DPYD: variants seen among roughly 807,000 people sequenced by gnomAD.
The protein encoded by DPYD is dihydropyrimidine dehydrogenase [NADP(+)].
DPYD carries 109 observed loss-of-function variants against 116.2 expected under a neutral mutation model. The observed-to-expected ratio is 0.94, with a 90% CI of 0.80 to 1.10. The LOEUF is 1.10. Ranked by LOEUF, DPYD falls within the 50% of genes least tolerant of loss-of-function variation. DPYD has a pLI of 0.00. For synonymous variants in DPYD, 440 were observed against 432.0 expected (o/e 1.02, Z -0.23); for missense variants, 1,302 against 1,254.5 (o/e 1.04, Z -0.57).
chr1:97,894,094 G>A (rs1672924542), intron 1 of DPYD, among the ~76,000 whole-genome samples: 1 of 151,744 alleles, frequency 6.6e-6, no homozygotes, highest in Non-Finnish European at 1.5e-5. Context: ...AGTTAGAGAG[G>A]CTGGAAAGTC....
At chr1:97,623,708 C>A (rs193207414) in intron 8 of DPYD, among the ~76,000 whole-genome samples, 103 of 151,962 alleles carry the variant, frequency 6.8e-4, no homozygotes, top group African/African-American at 2.4e-3. Context: ...CTGGAGGTAT[C>A]ACATTACCTG....
intron 8 of DPYD, among the ~76,000 whole-genome samples, chr1:97,654,026 T>C (rs1029237555): frequency 6.6e-6 from 1 of 152,172 alleles, no homozygotes; most frequent in African/African-American, 2.4e-5. Flanking sequence ...ATGTGCACAA[T>C]AACTTATCAA....
chr1:97,404,576 A>C (rs960153759), intron 14 of DPYD, among the ~76,000 whole-genome samples: 4 of 152,004 alleles, frequency 2.6e-5, no homozygotes, highest in African/African-American at 9.7e-5. Flanking sequence ...CTTGCTTTGA[A>C]GTCTGCTTTG....
intron 20 of DPYD, among the ~76,000 whole-genome samples, chr1:97,115,007 C>G (rs543698307): frequency 4.7e-4 from 71 of 152,260 alleles, no homozygotes; most frequent in Non-Finnish European, 1.0e-3. Flanking sequence ...ACTTGGTAAT[C>G]CTTTTACCTC....
intron 8 of DPYD, among the ~76,000 whole-genome samples, chr1:97,668,653 G>A (rs552973549): frequency 6.6e-6 from 1 of 152,140 alleles, no homozygotes; most frequent in Non-Finnish European, 1.5e-5. Flanking sequence ...AAGAGTAAGA[G>A]AAGTGGAAAA....
At chr1:97,355,845 G>A (rs1358098217) in intron 16 of DPYD, among the ~76,000 whole-genome samples, 1 of 152,124 alleles carries the variant, frequency 6.6e-6, no homozygotes, top group Non-Finnish European at 1.5e-5. Context: ...CACTTAGGTT[G>A]ATTCCATAAG....
intron 20 of DPYD, among the ~76,000 whole-genome samples, chr1:97,148,148 A>G (rs2101711300): frequency 6.6e-6 from 1 of 152,050 alleles, no homozygotes; most frequent in Non-Finnish European, 1.5e-5. Flanking sequence ...CATGACAAGA[A>G]CAGCTCTTTA....
chr1:97,702,405 A>C (rs1406599464), intron 5 of DPYD, among the ~76,000 whole-genome samples: 1 of 151,830 alleles, frequency 6.6e-6, no homozygotes, highest in African/African-American at 2.4e-5. Context: ...AATAAATGCT[A>C]ATTTCTTTCA....
chr1:97,531,712 T>C (rs1473820624), intron 12 of DPYD, among the ~76,000 whole-genome samples: 2 of 152,172 alleles, frequency 1.3e-5, no homozygotes, highest in Non-Finnish European at 2.9e-5. Context: ...TACATTGCTT[T>C]AGGTGAAATG....
intron 1 of DPYD, among the ~76,000 whole-genome samples, chr1:97,908,822 C>T (rs553069178): frequency 6.6e-6 from 1 of 152,040 alleles, no homozygotes; most frequent in African/African-American, 2.4e-5. Flanking sequence ...CCTATGCTGA[C>T]GTCCCTCAGA....
At chr1:97,719,527 T>A (rs2101021666) in intron 5 of DPYD, among the ~76,000 whole-genome samples, 1 of 152,110 alleles carries the variant, frequency 6.6e-6, no homozygotes, top group East Asian at 1.9e-4. Context: ...ACACTTCAAC[T>A]TAAATACTCA....
rs201316076 is a variant in DPYD at position 97,192,113 on chromosome 1, G to GT, written c.2622+955dup. ...CCATACACATTACTCTTGAAGAAGG[G>GT]TTTTTTTTGGCTATCTATTAGGAGA... On this transcript the variant is annotated intron_variant, in intron 20 of 22. Coordinates refer to ENST00000370192, the MANE Select transcript of DPYD (RefSeq NM_000110.4). Among the ~76,000 whole-genome samples the GT allele has an allele frequency of 7.7e-3, 1,169 of 151,578 alleles. 19 individuals are homozygous for GT. Among genetic ancestry groups the GT allele is most frequent in the African/African-American group, 0.026 (1,083 of 41,338 alleles).
intron 4 of DPYD, 87 bp downstream of exon 4, chr1:97,740,304 TA>T: frequency 8.8e-7 from 1 of 1,134,000 alleles, no homozygotes; most frequent in Non-Finnish European, 1.3e-6. Context: ...CTGGATTTGC[TA>T]AGACAAGCTG....
intron 8 of DPYD, among the ~76,000 whole-genome samples, chr1:97,658,542 G>A (rs574039424): frequency 6.6e-6 from 1 of 151,944 alleles, no homozygotes; most frequent in Non-Finnish European, 1.5e-5. Context: ...TAAAGTTCCT[G>A]ATATTAAATT....
At chr1:97,864,221 C>T (rs1671259030) in intron 2 of DPYD, among the ~76,000 whole-genome samples, 1 of 151,734 alleles carries the variant, frequency 6.6e-6, no homozygotes. Flanking sequence ...CTTAATAAGC[C>T]CTCAACAGAG....
intron 18 of DPYD, among the ~76,000 whole-genome samples, chr1:97,235,865 T>C (rs2100752515): frequency 6.6e-6 from 1 of 152,274 alleles, no homozygotes; most frequent in South Asian, 2.1e-4. Context: ...ATTTTTCACA[T>C]ATTAGAAAGT....
At chr1:97,654,026 T>G (rs1029237555) in intron 8 of DPYD, among the ~76,000 whole-genome samples, 1 of 152,172 alleles carries the variant, frequency 6.6e-6, no homozygotes, top group Admixed American at 6.6e-5. Flanking sequence ...ATGTGCACAA[T>G]AACTTATCAA....
In DPYD at chr1:97,872,093, T is replaced by C. The variant is rs186903322; in HGVS notation, c.150+11171A>G. ...CCAATAATTGGAGCTAAGCAGATTA[T>C]CCCTAGAGCTTACTCTCTTAACCAA... On this transcript the variant is annotated intron_variant, in intron 2 of 22. Coordinates refer to ENST00000370192, the MANE Select transcript of DPYD (RefSeq NM_000110.4). Among the ~76,000 whole-genome samples, 851 of 151,960 alleles carry C rather than the reference T, an allele frequency of 5.6e-3. 3 individuals carry two copies. Among genetic ancestry groups the C allele is most frequent in the Admixed American group, 0.011 (170 of 15,218 alleles).
chr1:97,733,675 G>C (rs1320753546), intron 4 of DPYD, among the ~76,000 whole-genome samples: 1 of 151,864 alleles, frequency 6.6e-6, no homozygotes, highest in Admixed American at 6.6e-5. Flanking sequence ...ATTTGTATAT[G>C]TGTCCCTTTA....
Sources: gnomAD v4.1 joint callset for allele counts (sites outside exome capture counted in the v4.1 genomes callset) on GRCh38, gnomAD v4.1.1 for gene constraint, MANE v1.5 for transcripts, NCBI Gene and HGNC (gene_info 2026-07-23, HGNC 2026-07-21) for gene names.